Variants in DLG2 observed in about 807,000 individuals in gnomAD.
The protein encoded by DLG2 is disks large homolog 2.
A neutral mutation model predicts 132.5 loss-of-function variants in DLG2; 45 were observed. The ratio of observed to expected loss-of-function variants is 0.34; its 90% CI spans 0.27 to 0.44. The LOEUF (loss-of-function observed/expected upper bound fraction) is 0.44. Ranked by LOEUF, DLG2 falls within the 20% of genes least tolerant of loss-of-function variation. DLG2 has a pLI of 1.00. For missense variants in DLG2, 1,045 were observed against 1,196.9 expected, an observed-to-expected ratio of 0.87 and a Z score of 1.87; for synonymous variants, 424 against 419.6, an observed-to-expected ratio of 1.01 and a Z score of -0.13.
chr11:84,073,740 A>C (rs1422379096), intron 10 of DLG2, among the ~76,000 whole-genome samples: 1 of 152,202 alleles, frequency 6.6e-6, no homozygotes, highest in Non-Finnish European at 1.5e-5. Context: ...CCATAGAAAC[A>C]GGAAAATTAA....
chr11:83,777,409 G>T (rs1463876605), intron 18 of DLG2, among the ~76,000 whole-genome samples: 2 of 152,186 alleles, frequency 1.3e-5, no homozygotes, highest in Non-Finnish European at 2.9e-5. Context: ...CCACCCTAAA[G>T]CTGCCACTAC....
chr11:85,302,983 A>G (rs1310282498), intron 3 of DLG2, among the ~76,000 whole-genome samples: 2 of 152,184 alleles, frequency 1.3e-5, no homozygotes, highest in African/African-American at 2.4e-5. Flanking sequence ...GAGCAAAGTT[A>G]AGGAAGAGCA....
At position 83,668,708 on chromosome 11, in the gene DLG2, T is replaced by C. The variant is rs534332312; in HGVS notation, c.1826-35383A>G. ...GTATATATATGTGTATATAAACACA[T>C]ATATATGTGTATATAAACACATATA... is the stretch of plus-strand genomic sequence containing the variant. On this transcript the variant is annotated intron_variant, in intron 18 of 27. Coordinates refer to ENST00000376104, the MANE Select transcript of DLG2 (RefSeq NM_001142699.3). 5.5e-3 allele frequency among the ~76,000 whole-genome samples: 562 copies of C among 102,508 alleles called. 4 individuals carry two copies. Among genetic ancestry groups the C allele is most frequent in the African/African-American group, 0.023 (537 of 22,934 alleles). The allele number at this position is 102,508 out of a possible 152,430, so 67.2% of individuals were successfully genotyped here.
intron 17 of DLG2, among the ~76,000 whole-genome samples, chr11:83,832,819 AT>A: frequency 6.6e-6 from 1 of 152,306 alleles, no homozygotes; most frequent in Admixed American, 6.5e-5. Context: ...TAATTCTTGA[AT>A]TTAGTTGAAT....
In DLG2 at chr11:84,850,324, A is replaced by T. The variant is rs553773324; in HGVS notation, c.357+261337T>A. 4.1e-4 allele frequency among the ~76,000 whole-genome samples: 63 copies of T among 152,270 alleles called. 2 individuals carry two copies. The highest frequency in any genetic ancestry group is 1.5e-3 in the African/African-American group (61 of 41,568). The stretch of plus-strand genomic sequence containing the variant: ...AAGTCTGAAGACTTAGAGGAGGAAG[A>T]GTCTGAATTGCTAAATGACTAGCTG... On this transcript the variant is annotated intron_variant, in intron 6 of 27. Coordinates refer to ENST00000376104, the MANE Select transcript of DLG2 (RefSeq NM_001142699.3).
intron 15 of DLG2, among the ~76,000 whole-genome samples, chr11:83,884,827 A>C (rs1217857691): frequency 6.6e-6 from 1 of 152,226 alleles, no homozygotes; most frequent in Non-Finnish European, 1.5e-5. Context: ...GCTGGTACCC[A>C]GGCAAACAGG....
intron 6 of DLG2, among the ~76,000 whole-genome samples, chr11:84,993,266 G>T (rs1262962129): frequency 6.6e-6 from 1 of 152,184 alleles, no homozygotes; most frequent in Non-Finnish European, 1.5e-5. Context: ...CTGTCGGAGG[G>T]TGGGGGGCAA....
At chr11:84,304,932 T>C (rs1241289862) in intron 7 of DLG2, among the ~76,000 whole-genome samples, 1 of 152,188 alleles carries the variant, frequency 6.6e-6, no homozygotes, top group East Asian at 1.9e-4. Flanking sequence ...ACCTTTCCAT[T>C]TGATAATGTT....
At chr11:85,060,889 G>C (rs2064049751) in intron 6 of DLG2, among the ~76,000 whole-genome samples, 1 of 149,784 alleles carries the variant, frequency 6.7e-6, no homozygotes. Flanking sequence ...TGTTTGTTTT[G>C]TTTTTGGTTT....
intron 3 of DLG2, among the ~76,000 whole-genome samples, chr11:85,537,188 A>T (rs963670012): frequency 6.6e-6 from 1 of 152,128 alleles, no homozygotes; most frequent in Non-Finnish European, 1.5e-5. Flanking sequence ...GTCAATATGG[A>T]CCAATCGGCT....
intron 3 of DLG2, among the ~76,000 whole-genome samples, chr11:85,366,198 G>A (rs1008950859): frequency 6.6e-6 from 1 of 152,172 alleles, no homozygotes; most frequent in Admixed American, 6.6e-5. Context: ...TGGAGAATAT[G>A]AGAAACCTGT....
intron 4 of DLG2, among the ~76,000 whole-genome samples, chr11:85,281,680 G>C (rs1044508584): frequency 6.6e-6 from 1 of 151,814 alleles, no homozygotes; most frequent in African/African-American, 2.4e-5. Flanking sequence ...CAGTTAAAAT[G>C]GCTTTTATAA....
intron 3 of DLG2, among the ~76,000 whole-genome samples, chr11:85,310,195 C>G (rs2080224817): frequency 6.6e-6 from 1 of 152,190 alleles, no homozygotes; most frequent in East Asian, 1.9e-4. Context: ...ACTGCCTTAG[C>G]TTGAGGTATA....
chr11:83,952,081 A>C (rs1013224914), intron 14 of DLG2, among the ~76,000 whole-genome samples: 1 of 152,196 alleles, frequency 6.6e-6, no homozygotes, highest in African/African-American at 2.4e-5. Context: ...GTGGTAGCTC[A>C]CACCTGTAAT....
chr11:84,085,848 A>C (rs1460261260), intron 10 of DLG2, among the ~76,000 whole-genome samples: 1 of 152,230 alleles, frequency 6.6e-6, no homozygotes, highest in Non-Finnish European at 1.5e-5. Context: ...TGAGGAATCA[A>C]TATATCATTC....
intron 15 of DLG2, among the ~76,000 whole-genome samples, chr11:83,907,519 G>A (rs763290928): frequency 1.3e-5 from 2 of 151,984 alleles, no homozygotes; most frequent in Non-Finnish European, 2.9e-5. Context: ...CACTATTTTT[G>A]CTTTTTAATT....
intron 6 of DLG2, among the ~76,000 whole-genome samples, chr11:84,811,068 G>T (rs1196815916): frequency 6.6e-6 from 1 of 152,112 alleles, no homozygotes; most frequent in Non-Finnish European, 1.5e-5. Context: ...GGGAAACAGG[G>T]TTAAGGGTAT....
chr11:85,255,165 C>T (rs755660474), intron 4 of DLG2, among the ~76,000 whole-genome samples: 128 of 152,110 alleles, frequency 8.4e-4, no homozygotes, highest in Non-Finnish European at 1.7e-3. Context: ...TTTCATACAA[C>T]TGTATTTAAA....
At chr11:84,418,528 T>C (rs2098937630) in intron 7 of DLG2, among the ~76,000 whole-genome samples, 2 of 152,148 alleles carry the variant, frequency 1.3e-5, no homozygotes, top group South Asian at 2.1e-4. Context: ...ATAAACAAAG[T>C]CCTGAGTTTG....
Sources: gnomAD v4.1 joint callset for allele counts (sites outside exome capture counted in the v4.1 genomes callset) on GRCh38, gnomAD v4.1.1 for gene constraint, MANE v1.5 for transcripts, NCBI Gene and HGNC (gene_info 2026-07-23, HGNC 2026-07-21) for gene names.